MIPOL1: variants seen among roughly 807,000 people sequenced by gnomAD.
MIPOL1 encodes the protein mirror-image polydactyly 1.
MIPOL1 carries 57 observed loss-of-function variants against 60.9 expected under a neutral mutation model. That is an observed-to-expected ratio of 0.94 (90% confidence interval 0.76 to 1.17). The LOEUF is 1.17. MIPOL1 is among the 50% of genes most tolerant of loss of function. MIPOL1 has a pLI of 0.00. For missense variants in MIPOL1, 551 were observed against 511.6 expected (o/e 1.08, Z -0.74); for synonymous variants, 179 against 168.8 (o/e 1.06, Z -0.47).
intron 12 of MIPOL1, chr14:37,545,560 A>C (rs2095544222): frequency 3.9e-6 from 2 of 506,404 alleles, no homozygotes; most frequent in Non-Finnish European, 7.0e-6. Flanking sequence ...TAATAAACTT[A>C]GACAAGATTT....
chr14:37,466,967 TTAAAG>T (rs1594519319), intron 11 of MIPOL1, among the ~76,000 whole-genome samples: 3 of 152,196 alleles, frequency 2.0e-5, no homozygotes, highest in Admixed American at 6.5e-5. Context: ...CACATAAATT[TTAAAG>T]TAAAGTAAAC....
intron 11 of MIPOL1, among the ~76,000 whole-genome samples, chr14:37,461,140 G>A (rs1026539544): frequency 2.0e-5 from 3 of 152,080 alleles, no homozygotes; most frequent in Non-Finnish European, 4.4e-5. Flanking sequence ...AAACAGTATG[G>A]TACTTGTATT....
chr14:37,337,834 T>C (rs1428442050), intron 9 of MIPOL1, among the ~76,000 whole-genome samples: 2 of 152,066 alleles, frequency 1.3e-5, no homozygotes, highest in Admixed American at 6.6e-5. Flanking sequence ...CTGTAATTTG[T>C]CTTTTCACTT....
chr14:37,287,226 TA>T (rs2084647917), intron 7 of MIPOL1, among the ~76,000 whole-genome samples: 1 of 150,314 alleles, frequency 6.7e-6, no homozygotes, highest in East Asian at 1.9e-4. Context: ...TATATATATT[TA>T]AAAATATATA....
chr14:37,444,906 A>G (rs1479377107), intron 11 of MIPOL1, among the ~76,000 whole-genome samples: 1 of 152,132 alleles, frequency 6.6e-6, no homozygotes, highest in African/African-American at 2.4e-5. Flanking sequence ...CAATAAATTC[A>G]GTATTGATGG....
Position 37,546,627 on chromosome 14 carries a change from A to G in MIPOL1, c.1263-278A>G, listed in dbSNP as rs147303220. On this transcript the variant is annotated intron_variant, in intron 12 of 12. Coordinates refer to ENST00000684589, the MANE Select transcript of MIPOL1 (RefSeq NM_001388067.1). The stretch of plus-strand genomic sequence containing the variant: ...ATTCATTCACAACCTTAATGCAAGT[A>G]GCTAAATGTATTGAAATAAGTGTCC... Among the ~76,000 whole-genome samples the G allele has an allele frequency of 4.0e-3, 605 of 152,348 alleles. 3 individuals carry two copies. The highest frequency in any genetic ancestry group is 0.014 in the African/African-American group (585 of 41,580).
intron 9 of MIPOL1, among the ~76,000 whole-genome samples, chr14:37,339,273 A>G (rs894942937): frequency 3.9e-5 from 6 of 152,248 alleles, no homozygotes; most frequent in Non-Finnish European, 5.9e-5. Flanking sequence ...CACATGCACT[A>G]TGGTGTCTGA....
intron 9 of MIPOL1, among the ~76,000 whole-genome samples, chr14:37,363,809 G>T (rs1233002756): frequency 3.3e-5 from 5 of 152,168 alleles, no homozygotes; most frequent in African/African-American, 1.2e-4. Context: ...TTTCCTGGCC[G>T]CTTTGTTTAC....
At chr14:37,522,537 G>C (rs752757230) in intron 12 of MIPOL1, among the ~76,000 whole-genome samples, 1 of 152,070 alleles carries the variant, frequency 6.6e-6, no homozygotes, top group African/African-American at 2.4e-5. Flanking sequence ...TATGATACTA[G>C]CCTCAGAGCT....
rs1170206585 is a variant in MIPOL1 at position 37,547,726 on chromosome 14, TA to T, written c.*757del. ...AATTATCTGAATTCTACTTAAGCTA[TA>T]AGTCTCTGTCATTTTTGCTTGAAAA... On this transcript the variant is annotated 3_prime_UTR_variant, in exon 13 of 13. Coordinates refer to ENST00000684589, the MANE Select transcript of MIPOL1 (RefSeq NM_001388067.1). 1 of 152,622 alleles carries T rather than the reference TA, an allele frequency of 6.6e-6. No homozygotes were observed. The highest frequency in any genetic ancestry group is 1.9e-4 in the East Asian group (1 of 5,178). 9.5% of individuals were successfully genotyped at this position (152,622 alleles called of 1,614,324 possible).
chr14:37,348,698 C>A (rs2091119886), intron 9 of MIPOL1, among the ~76,000 whole-genome samples: 1 of 151,954 alleles, frequency 6.6e-6, no homozygotes, highest in Non-Finnish European at 1.5e-5. Context: ...CTTATTACCT[C>A]CACTTCTACC....
At chr14:37,361,751 G>A (rs911275669) in intron 9 of MIPOL1, among the ~76,000 whole-genome samples, 7 of 150,468 alleles carry the variant, frequency 4.7e-5, no homozygotes, top group African/African-American at 1.7e-4. Context: ...GGGACTACAG[G>A]CACCCACCCC....
intron 11 of MIPOL1, among the ~76,000 whole-genome samples, chr14:37,455,173 A>C (rs964048777): frequency 8.5e-5 from 13 of 152,208 alleles, no homozygotes; most frequent in African/African-American, 2.4e-4. Context: ...TCCTTTTTAA[A>C]ACTGCTCTTT....
chr14:37,332,545 T>C (rs1219895238), intron 9 of MIPOL1, among the ~76,000 whole-genome samples: 2 of 152,182 alleles, frequency 1.3e-5, no homozygotes, highest in Non-Finnish European at 2.9e-5. Context: ...GTTATATGTA[T>C]TATATACTAT....
At chr14:37,274,727 A>G (rs1299830541) in intron 6 of MIPOL1, among the ~76,000 whole-genome samples, 1 of 151,334 alleles carries the variant, frequency 6.6e-6, no homozygotes, top group Non-Finnish European at 1.5e-5. Flanking sequence ...TTAGTTAAAA[A>G]TCTACTATAG....
At chr14:37,520,370 A>G (rs1356088517) in intron 12 of MIPOL1, among the ~76,000 whole-genome samples, 1 of 152,210 alleles carries the variant, frequency 6.6e-6, no homozygotes, top group East Asian at 1.9e-4. Flanking sequence ...AACGAATCCT[A>G]CATTTTAAAG....
At chr14:37,307,248 T>C (rs2086861703) in intron 7 of MIPOL1, among the ~76,000 whole-genome samples, 1 of 151,944 alleles carries the variant, frequency 6.6e-6, no homozygotes, top group Non-Finnish European at 1.5e-5. Context: ...AGATCCTTTC[T>C]AGAATCTATA....
chr14:37,440,471 C>G (rs1375206689), intron 11 of MIPOL1, among the ~76,000 whole-genome samples: 1 of 152,092 alleles, frequency 6.6e-6, no homozygotes, highest in Non-Finnish European at 1.5e-5. Context: ...ATTCCACTCT[C>G]TATGTCCATG....
intron 1 of MIPOL1, among the ~76,000 whole-genome samples, chr14:37,215,288 G>A (rs1169908209): frequency 7.2e-5 from 11 of 151,798 alleles, no homozygotes; most frequent in Non-Finnish European, 1.3e-4. Flanking sequence ...AGCGCAGCCT[G>A]GGATTTGGAG....
Sources: allele counts gnomAD v4.1 joint callset (sites outside exome capture counted in the v4.1 genomes callset), GRCh38; gene constraint gnomAD v4.1.1; transcripts MANE v1.5; gene names NCBI Gene and HGNC (gene_info 2026-07-23, HGNC 2026-07-21).